DNPEP: variants seen among roughly 807,000 people sequenced by gnomAD.
The protein encoded by DNPEP is aspartyl aminopeptidase.
Under a neutral mutation model 59.1 loss-of-function variants are expected in DNPEP, and 46 were observed. That is an observed-to-expected ratio of 0.78 (90% CI 0.61 to 0.99). The LOEUF is 0.99. Ranked by LOEUF, DNPEP falls within the 50% of genes least tolerant of loss-of-function variation. DNPEP has a pLI of 0.00. For synonymous variants in DNPEP, 229 were observed against 242.2 expected, an observed-to-expected ratio of 0.95 and a Z score of 0.50; for missense variants, 617 against 649.9, an observed-to-expected ratio of 0.95 and a Z score of 0.55.
rs760307941 is a variant in DNPEP, at chr2:219,381,465, A to G, written c.1138-29T>C. Reference sequence around the variant, plus strand: ...GGGAGAGTCAAGGTGAGGCAGAGGTAATGACAGGCCCAAAGGGAATGAGTC... The same window carrying G: ...GGGAGAGTCAAGGTGAGGCAGAGGTGATGACAGGCCCAAAGGGAATGAGTC... On this transcript the variant is annotated intron_variant, in intron 12 of 14. Coordinates refer to ENST00000273075, the MANE Select transcript of DNPEP (RefSeq NM_012100.4). The G allele has an allele frequency of 1.5e-5, 24 of 1,613,794 alleles. No individual in the cohort carries two copies. The East Asian group carries it at 5.1e-4, about 34-fold the overall frequency.
At chr2:219,374,582 T>A (rs1294076686) in intron 14 of DNPEP, among the ~76,000 whole-genome samples, 1 of 152,168 alleles carries the variant, frequency 6.6e-6, no homozygotes, top group African/African-American at 2.4e-5. Context: ...ATCTCTTTTT[T>A]CTCTTTTGTA....
At chr2:219,392,523 T>C (rs1559344900), upstream of DNPEP, among the ~76,000 whole-genome samples, 4 of 152,196 alleles carry the variant, frequency 2.6e-5, no homozygotes, top group South Asian at 8.3e-4. Context: ...AAATTTTTTT[T>C]TTTGAGATGG....
chr2:219,382,251 G>C (rs1347478515), intron 10 of DNPEP, 112 bp from the exon 11 acceptor site: 3 of 1,271,666 alleles, frequency 2.4e-6, no homozygotes, highest in Non-Finnish European at 3.2e-6. Context: ...GAGTCACTGG[G>C]TGTTCTTAGC....
At position 219,385,996 on chromosome 2, in the gene DNPEP, T is replaced by C; in HGVS notation, c.562A>G (p.Asn188Asp). The C allele has an allele frequency of 6.2e-7, 1 of 1,614,098 alleles. No homozygotes were observed. Among genetic ancestry groups the C allele is most frequent in the Non-Finnish European group, 8.5e-7 (1 of 1,179,998 alleles). The change falls in exon 6 of 15, where the codon AAC becomes GAC. Residue 188 changes from asparagine to aspartate, a missense_variant. By Grantham distance (23) the Asn-to-Asp change is conservative. Transcript: ENST00000273075. ...TGCATCTCTGTGTTGGGCCCAAAGT[T>C]CTCGTTGATATTTCGCTGCAGATGG... ...AIHLQRNINE[N>D]FGPNTEMHLV...
intron 1 of DNPEP, among the ~76,000 whole-genome samples, chr2:219,398,166 G>A (rs750641581): frequency 6.6e-6 from 1 of 152,200 alleles, no homozygotes; most frequent in East Asian, 1.9e-4. Flanking sequence ...TGCACGTAGG[G>A]TGCTCATCAC....
intron 14 of DNPEP, 47 bp from the exon 15 acceptor site, chr2:219,374,389 T>C (rs1360213865): frequency 6.4e-7 from 1 of 1,561,402 alleles, no homozygotes; most frequent in South Asian, 1.1e-5. Context: ...AGTGACCAGA[T>C]GGAGATGTCC....
Position 219,387,902 on chromosome 2 carries a change from C to T in DNPEP, c.-108G>A, listed in dbSNP as rs1953922416. On this transcript the variant is annotated 5_prime_UTR_variant, in exon 1 of 15. The change abolishes an upstream ATG in the 5' untranslated region. Transcript: ENST00000273075. ...AGGCCGCGCCGCACTCGTAGGCCTT[C>T]ATCACGCTTCCCCGGCCGCGCCGCC... 3 of 1,392,856 alleles carry T rather than the reference C, an allele frequency of 2.2e-6. No homozygotes were observed. The highest frequency in any genetic ancestry group is 1.6e-5 in the South Asian group (1 of 63,916). 86.3% of individuals were successfully genotyped at this position (1,392,856 alleles called of 1,614,324 possible).
intron 13 of DNPEP, among the ~76,000 whole-genome samples, chr2:219,375,390 T>C (rs1362675366): frequency 1.3e-5 from 2 of 152,038 alleles, no homozygotes; most frequent in Admixed American, 1.3e-4. Flanking sequence ...CTTTATATTA[T>C]GGTAAAAAAA....
Position 219,385,903 on chromosome 2 carries a change from A to G in DNPEP, c.590+65T>C. On this transcript the variant is annotated intron_variant, in intron 6 of 14. Transcript: ENST00000273075. ...AAAATGTGACCTAATGGCTACCATT[A>G]GGTAATAATCACCTGGTACCATTCT... 3 of 1,587,128 alleles carry G rather than the reference A, an allele frequency of 1.9e-6. No homozygotes were observed. The African/African-American group carries it at 4.0e-5, about 21-fold the overall frequency.
At chr2:219,393,909 T>A (rs527242519) in intron 1 of DNPEP, among the ~76,000 whole-genome samples, 79 of 152,260 alleles carry the variant, frequency 5.2e-4, no homozygotes, top group South Asian at 8.3e-4. Context: ...GTGCACAAGA[T>A]TCCACCCCTC....
intron 1 of DNPEP, among the ~76,000 whole-genome samples, chr2:219,396,556 C>G (rs1039612435): frequency 6.6e-6 from 1 of 151,522 alleles, no homozygotes; most frequent in African/African-American, 2.4e-5. Context: ...CCACTACACT[C>G]TAGCCTGGGC....
chr2:219,381,089 CT>C (rs1227518411), intron 13 of DNPEP, among the ~76,000 whole-genome samples: 1 of 152,210 alleles, frequency 6.6e-6, no homozygotes. Context: ...ACTATCACCC[CT>C]ATTCTACAGA....
At chr2:219,387,016 T>C (rs758318451) in intron 2 of DNPEP, 36 bp from the exon 3 acceptor site, 2 of 1,613,526 alleles carry the variant, frequency 1.2e-6, no homozygotes, top group Non-Finnish European at 1.7e-6. Context: ...CGATGGAAGC[T>C]GGTGAAGGGC....
chr2:219,383,876 A>C (rs906198955), intron 9 of DNPEP, among the ~76,000 whole-genome samples: 14 of 152,196 alleles, frequency 9.2e-5, no homozygotes, highest in African/African-American at 3.1e-4. Flanking sequence ...GAGGAGAGAA[A>C]GAAAGGGAAC....
Position 219,385,621 on chromosome 2 carries a change from A to C in DNPEP, c.666+10T>G. On this transcript the variant is annotated intron_variant, in intron 7 of 14. Transcript: ENST00000273075. ...CTGCCGCCCTCCCCATGATCAGGAG[A>C]CTCTCTTACCACAGCATTGAGAGGC... The C allele has an allele frequency of 1.9e-6, 3 of 1,612,348 alleles. No homozygotes were observed. The highest frequency in any genetic ancestry group is 2.5e-6 in the Non-Finnish European group (3 of 1,179,082).
chr2:219,385,537 G>T lies in DNPEP; in HGVS notation c.667-6C>A, dbSNP rs2125139929. On this transcript the variant is annotated splice_region_variant and splice_polypyrimidine_tract_variant and intron_variant, in intron 7 of 14. Transcript: ENST00000273075. ...ACCGAATGGTGCCGCTCATCCTGAA[G>T]AGCAGAAAGATGCTGGGAAGAGTCC... The T allele has an allele frequency of 5.0e-6, 8 of 1,604,936 alleles. No homozygotes were observed. Among genetic ancestry groups the T allele is most frequent in the Non-Finnish European group, 6.8e-6 (8 of 1,172,616 alleles).
upstream of DNPEP, among the ~76,000 whole-genome samples, chr2:219,389,747 C>T (rs1431771333): frequency 6.6e-6 from 1 of 151,316 alleles, no homozygotes; most frequent in Admixed American, 6.6e-5. Flanking sequence ...GCAAGAGAAT[C>T]GCTTGAACCC....
chr2:219,378,856 A>G lies in DNPEP; in HGVS notation c.1239+2479T>C, dbSNP rs1025516744. On this transcript the variant is annotated intron_variant, in intron 13 of 14. Coordinates refer to ENST00000273075, the MANE Select transcript of DNPEP (RefSeq NM_012100.4). ...CACGTGCAATTATGTACAGTATGCA[A>G]TACCTAAGAATAATAAATGACTATG... 6.5e-3 allele frequency among the ~76,000 whole-genome samples: 85 copies of G among 13,076 alleles called. 1 individual carries two copies. The highest frequency in any genetic ancestry group is 7.2e-3 in the Admixed American group (5 of 694). The allele number at this position is 13,076 out of a possible 152,430, so 8.6% of individuals were successfully genotyped here.
At position 219,387,060 on chromosome 2, in the gene DNPEP, C is replaced by T; in HGVS notation, c.130+10G>A. ...CTCCACCCTCCTCCCTTGCCCTGGC[C>T]ACCGCTTACCATGGAAAGGAGAGGG... On this transcript the variant is annotated intron_variant, in intron 2 of 14. Coordinates refer to ENST00000273075, the MANE Select transcript of DNPEP (RefSeq NM_012100.4). 1 of 1,608,524 alleles carries T rather than the reference C, an allele frequency of 6.2e-7. No individual in the cohort carries two copies. The highest frequency in any genetic ancestry group is 8.5e-7 in the Non-Finnish European group (1 of 1,177,170).
Sources: allele counts gnomAD v4.1 joint callset (sites outside exome capture counted in the v4.1 genomes callset), GRCh38; gene constraint gnomAD v4.1.1; transcripts MANE v1.5; gene names NCBI Gene and HGNC (gene_info 2026-07-23, HGNC 2026-07-21).